The following HCN1 variants were observed in gnomAD, a reference collection of about 807,000 sequenced individuals.
HCN1 encodes the protein hyperpolarization activated cyclic nucleotide gated potassium channel 1, also known as potassium/sodium hyperpolarization-activated cyclic nucleotide-gated channel 1.
A neutral mutation model predicts 78.9 loss-of-function variants in HCN1; 13 were observed. That is an observed-to-expected ratio of 0.16 (90% CI 0.11 to 0.26). The LOEUF is 0.26. Ranked by LOEUF, HCN1 falls within the 10% of genes least tolerant of loss-of-function variation. The pLI, the probability that HCN1 is intolerant of heterozygous loss-of-function variation, is 1.00. For missense variants in HCN1, 810 were observed against 1,154.3 expected (o/e 0.70, Z 4.32); for synonymous variants, 552 against 455.5 (o/e 1.21, Z -2.70).
intron 2 of HCN1, among the ~76,000 whole-genome samples, chr5:45,502,102 G>A (rs1742202384): frequency 6.6e-6 from 1 of 152,092 alleles, no homozygotes; most frequent in African/African-American, 2.4e-5. Context: ...GGTTCAGAAG[G>A]ATATAGCCTC....
At chr5:45,546,521 T>C (rs1016141022) in intron 2 of HCN1, among the ~76,000 whole-genome samples, 4 of 151,944 alleles carry the variant, frequency 2.6e-5, no homozygotes, top group African/African-American at 9.7e-5. Flanking sequence ...TTTCTTTGCT[T>C]CAAAGAAATT....
chr5:45,585,923 C>T (rs1027790742), intron 2 of HCN1, among the ~76,000 whole-genome samples: 1 of 152,158 alleles, frequency 6.6e-6, no homozygotes, highest in Non-Finnish European at 1.5e-5. Flanking sequence ...TGTGAGGTGT[C>T]AGTCTGCCCC....
intron 2 of HCN1, among the ~76,000 whole-genome samples, chr5:45,577,214 G>GA (rs1178548904): frequency 1.3e-5 from 2 of 151,856 alleles, no homozygotes; most frequent in Non-Finnish European, 2.9e-5. Context: ...TTAATAGGTG[G>GA]AAAAAACACA....
At chr5:45,366,319 T>C (rs1379344145) in intron 4 of HCN1, among the ~76,000 whole-genome samples, 1 of 151,824 alleles carries the variant, frequency 6.6e-6, no homozygotes, top group Non-Finnish European at 1.5e-5. Context: ...CAATAAACAG[T>C]TAAGTGATTT....
intron 3 of HCN1, among the ~76,000 whole-genome samples, chr5:45,404,563 T>C (rs1037208684): frequency 6.6e-6 from 1 of 151,666 alleles, no homozygotes; most frequent in Non-Finnish European, 1.5e-5. Context: ...TACCTTTGCT[T>C]ATTCCACCTG....
chr5:45,344,612 C>T (rs150309526), intron 5 of HCN1, among the ~76,000 whole-genome samples: 9 of 152,216 alleles, frequency 5.9e-5, no homozygotes, highest in Admixed American at 3.9e-4. Flanking sequence ...GAGGTAAAGG[C>T]CTCATGCAAA....
chr5:45,559,170 A>G (rs1243590875), intron 2 of HCN1: 2 of 151,976 alleles, frequency 1.3e-5, no homozygotes, highest in African/African-American at 4.8e-5. Context: ...GCTCACTGAC[A>G]ATACATCTAG....
intron 6 of HCN1, among the ~76,000 whole-genome samples, chr5:45,271,188 C>G (rs1340221822): frequency 6.6e-6 from 1 of 152,102 alleles, no homozygotes; most frequent in African/African-American, 2.4e-5. Context: ...TTCAGCAAAT[C>G]TTACCTCTTC....
rs765728211 is a variant in HCN1, at chr5:45,461,999, G to A, written c.858C>T (p.His286=). 1.9e-6 allele frequency: 3 copies of A among 1,612,638 alleles called. No homozygotes were observed. The East Asian group carries it at 6.7e-5, about 36-fold the overall frequency. Residue 286 remains histidine, a synonymous_variant, in exon 3 of 8, where the codon CAC becomes CAT. Coordinates refer to ENST00000303230, the MANE Select transcript of HCN1 (RefSeq NM_021072.4). ...CTGCACTGGCGAGATCATATGTCAT[G>A]TGGAATATCTGTTGACCAAAATATA... ...RYIHQWEEIF[H]MTYDLASAVV...
chr5:45,277,840 C>T (rs1745095549), intron 6 of HCN1, among the ~76,000 whole-genome samples: 1 of 152,056 alleles, frequency 6.6e-6, no homozygotes, highest in South Asian at 2.1e-4. Flanking sequence ...TAATCATACC[C>T]ATTGTTGGGG....
At chr5:45,554,083 A>G (rs1217204914) in intron 2 of HCN1, among the ~76,000 whole-genome samples, 1 of 151,954 alleles carries the variant, frequency 6.6e-6, no homozygotes, top group African/African-American at 2.4e-5. Flanking sequence ...TTCAGATTTT[A>G]ACCTTTTCTC....
chr5:45,596,642 C>A (rs548263740), intron 2 of HCN1, among the ~76,000 whole-genome samples: 1 of 152,110 alleles, frequency 6.6e-6, no homozygotes, highest in Non-Finnish European at 1.5e-5. Flanking sequence ...TGTCAAATTG[C>A]CACTTAGTTA....
intron 2 of HCN1, among the ~76,000 whole-genome samples, chr5:45,555,181 A>C (rs1158073038): frequency 6.6e-6 from 1 of 151,904 alleles, no homozygotes; most frequent in African/African-American, 2.4e-5. Context: ...CAGAACTGAT[A>C]ATTTCAGTAT....
intron 2 of HCN1, among the ~76,000 whole-genome samples, chr5:45,537,522 TC>T (rs150651136): frequency 4.4e-5 from 5 of 113,260 alleles, no homozygotes; most frequent in African/African-American, 1.4e-4. Flanking sequence ...CAACTCTAAG[TC>T]TTTTTTTTTT....
chr5:45,423,642 T>G lies in HCN1; in HGVS notation c.1012-26932A>C, dbSNP rs371123886. Among the ~76,000 whole-genome samples the G allele has an allele frequency of 7.2e-5, 11 of 152,238 alleles. No homozygotes were observed. In the East Asian group the frequency reaches 2.1e-3, roughly 29 times the overall value. ...TTTGAAACTATTTTCTTAGACTTGC[T>G]ATACAAATTCTCATTTGTAAAAAGC... On this transcript the variant is annotated intron_variant, in intron 3 of 7. Coordinates refer to ENST00000303230, the MANE Select transcript of HCN1 (RefSeq NM_021072.4).
chr5:45,496,494 G>C (rs1742034906), intron 2 of HCN1, among the ~76,000 whole-genome samples: 2 of 152,158 alleles, frequency 1.3e-5, no homozygotes, highest in Admixed American at 1.3e-4. Context: ...AATCCATCTG[G>C]TCCTGGACTC....
rs115546377 is a variant in HCN1 at position 45,537,033 on chromosome 5, C to T, written c.850-75026G>A. On this transcript the variant is annotated intron_variant, in intron 2 of 7. Transcript: ENST00000303230. ...GTACTAAAATTTGGGTGTTCCATCC[C>T]TTCTGAGGATCCCTCCTTCTCAAAG... Among the ~76,000 whole-genome samples, 567 of 152,288 alleles carry T rather than the reference C, an allele frequency of 3.7e-3. 2 individuals carry two copies. Among genetic ancestry groups the T allele is most frequent in the African/African-American group, 0.01 (424 of 41,584 alleles).
intron 2 of HCN1, among the ~76,000 whole-genome samples, chr5:45,616,622 G>A (rs1744960734): frequency 6.6e-6 from 1 of 151,864 alleles, no homozygotes; most frequent in African/African-American, 2.4e-5. Flanking sequence ...TAAGTCTTTT[G>A]CATTGATAAA....
chr5:45,340,841 T>C (rs1282549672), intron 5 of HCN1, among the ~76,000 whole-genome samples: 1 of 152,190 alleles, frequency 6.6e-6, no homozygotes, highest in African/African-American at 2.4e-5. Context: ...ATAGCCTCTC[T>C]CAGAGCGATA....
Sources: gnomAD v4.1 joint callset for allele counts (sites outside exome capture counted in the v4.1 genomes callset) on GRCh38, gnomAD v4.1.1 for gene constraint, MANE v1.5 for transcripts, NCBI Gene and HGNC (gene_info 2026-07-23, HGNC 2026-07-21) for gene names.